The following CNBD1 variants were observed in gnomAD, a reference collection of about 807,000 sequenced individuals.
The protein encoded by CNBD1 is cyclic nucleotide-binding domain-containing protein 1.
A neutral mutation model predicts 54.4 loss-of-function variants in CNBD1; 71 were observed. The ratio of observed to expected loss-of-function variants is 1.30; its 90% confidence interval spans 1.08 to 1.59. CNBD1 has a LOEUF of 1.59. CNBD1 is among the 40% of genes most tolerant of loss of function. The pLI is 0.00. For missense variants in CNBD1, 659 were observed against 518.0 expected (o/e 1.27, Z -2.64); for synonymous variants, 182 against 170.7 (o/e 1.07, Z -0.51).
intron 10 of CNBD1, among the ~76,000 whole-genome samples, chr8:87,378,755 T>A (rs1187740807): frequency 6.6e-6 from 1 of 151,278 alleles, no homozygotes; most frequent in East Asian, 1.9e-4. Flanking sequence ...AGTATGGACA[T>A]TTTCATGATA....
chr8:87,412,190 G>A (rs576684716), intron 2 of CNBD1, among the ~76,000 whole-genome samples: 9 of 152,000 alleles, frequency 5.9e-5, no homozygotes, highest in African/African-American at 2.2e-4. Flanking sequence ...AGGCAAACTT[G>A]GAAAATGCTA....
At chr8:87,110,172 G>A (rs887267478) in intron 4 of CNBD1, among the ~76,000 whole-genome samples, 1 of 152,154 alleles carries the variant, frequency 6.6e-6, no homozygotes, top group Non-Finnish European at 1.5e-5. Flanking sequence ...AGGCTATGAT[G>A]CAGAAACAGT....
chr8:87,028,150 A>G (rs143215365), intron 4 of CNBD1, among the ~76,000 whole-genome samples: 2 of 152,266 alleles, frequency 1.3e-5, no homozygotes, highest in Non-Finnish European at 2.9e-5. Flanking sequence ...CAACTTGCAA[A>G]TGGAAATTCC....
intron 4 of CNBD1, among the ~76,000 whole-genome samples, chr8:87,097,058 C>T (rs923384081): frequency 6.6e-6 from 1 of 152,024 alleles, no homozygotes; most frequent in Non-Finnish European, 1.5e-5. Flanking sequence ...ACTTGAGCCT[C>T]AAAAGCTTGC....
chr8:87,400,404 A>C (rs1224024123), intron 2 of CNBD1, among the ~76,000 whole-genome samples: 1 of 152,008 alleles, frequency 6.6e-6, no homozygotes, highest in Non-Finnish European at 1.5e-5. Context: ...CTTGGGTAGA[A>C]AACTGAAAAG....
At chr8:87,217,779 T>C (rs1814244524) in intron 5 of CNBD1, among the ~76,000 whole-genome samples, 1 of 152,054 alleles carries the variant, frequency 6.6e-6, no homozygotes, top group Admixed American at 6.6e-5. Context: ...TGGCTTATAC[T>C]AGAAATCTTG....
intron 10 of CNBD1, among the ~76,000 whole-genome samples, chr8:87,375,429 C>A (rs927039778): frequency 3.3e-5 from 5 of 151,640 alleles, no homozygotes; most frequent in African/African-American, 1.2e-4. Context: ...TAAATGCCCA[C>A]CAAGAGTTAA....
chr8:87,061,206 T>C (rs757259525), intron 4 of CNBD1, among the ~76,000 whole-genome samples: 3 of 152,234 alleles, frequency 2.0e-5, no homozygotes, highest in Non-Finnish European at 4.4e-5. Context: ...CAATCGGTGC[T>C]GGCTTGCTTG....
intron 8 of CNBD1, among the ~76,000 whole-genome samples, chr8:87,323,806 C>G: frequency 8.1e-6 from 1 of 123,062 alleles, no homozygotes; most frequent in Non-Finnish European, 1.8e-5. Flanking sequence ...CCTTCTCCTG[C>G]CTGATTGCCC....
intron 4 of CNBD1, among the ~76,000 whole-genome samples, chr8:87,007,689 T>TA (rs1188607293): frequency 6.6e-6 from 1 of 152,202 alleles, no homozygotes; most frequent in African/African-American, 2.4e-5. Flanking sequence ...ACACTTTTAT[T>TA]ACAGACAAAT....
chr8:87,012,146 T>A (rs1429768143), intron 4 of CNBD1, among the ~76,000 whole-genome samples: 1 of 152,188 alleles, frequency 6.6e-6, no homozygotes, highest in Non-Finnish European at 1.5e-5. Flanking sequence ...AAATGGCTTC[T>A]TTAAGAGCCG....
intron 2 of CNBD1, among the ~76,000 whole-genome samples, chr8:86,893,701 G>A (rs1436934108): frequency 6.6e-6 from 1 of 152,106 alleles, no homozygotes; most frequent in African/African-American, 2.4e-5. Flanking sequence ...AGTTTTTATT[G>A]CTTATTTCAG....
intron 4 of CNBD1, among the ~76,000 whole-genome samples, chr8:87,026,810 G>A (rs1216679975): frequency 6.6e-6 from 1 of 152,092 alleles, no homozygotes; most frequent in African/African-American, 2.4e-5. Context: ...AATAACTCAG[G>A]AAGTTCAGCA....
At chr8:87,051,592 T>C (rs1810312465) in intron 4 of CNBD1, among the ~76,000 whole-genome samples, 1 of 152,208 alleles carries the variant, frequency 6.6e-6, no homozygotes. Context: ...AAAATATTCC[T>C]TATGGGAAAC....
At chr8:87,338,023 T>A (rs551633197) in intron 8 of CNBD1, among the ~76,000 whole-genome samples, 1 of 152,302 alleles carries the variant, frequency 6.6e-6, no homozygotes, top group African/African-American at 2.4e-5. Context: ...TTATATGATT[T>A]AATTTTTTAT....
At chr8:86,999,419 A>G (rs1808947129) in intron 4 of CNBD1, among the ~76,000 whole-genome samples, 1 of 152,070 alleles carries the variant, frequency 6.6e-6, no homozygotes, top group African/African-American at 2.4e-5. Context: ...CAATGCATCT[A>G]CTAGCTGCAG....
chr8:86,875,244 C>T (rs180852385), intron 1 of CNBD1, among the ~76,000 whole-genome samples: 23 of 152,160 alleles, frequency 1.5e-4, no homozygotes, highest in African/African-American at 5.5e-4. Context: ...GACACTCCCT[C>T]TGTCTCACAC....
intron 4 of CNBD1, among the ~76,000 whole-genome samples, chr8:87,159,489 G>GCT (rs1454228581): frequency 4.6e-5 from 7 of 152,176 alleles, no homozygotes; most frequent in African/African-American, 1.7e-4. Flanking sequence ...GTCTTGGAGG[G>GCT]CTCTCTGTGC....
intron 4 of CNBD1, among the ~76,000 whole-genome samples, chr8:87,146,691 T>A (rs2130744065): frequency 6.6e-6 from 1 of 152,238 alleles, no homozygotes; most frequent in Non-Finnish European, 1.5e-5. Flanking sequence ...CCTGTCCACA[T>A]TAGCAAGTCC....
Sources: gnomAD v4.1 joint callset for allele counts (sites outside exome capture counted in the v4.1 genomes callset) on GRCh38, gnomAD v4.1.1 for gene constraint, MANE v1.5 for transcripts, NCBI Gene and HGNC (gene_info 2026-07-23, HGNC 2026-07-21) for gene names.